Variants in ATR observed in about 807,000 individuals in gnomAD.
ATR encodes ATR checkpoint kinase, also known as serine/threonine-protein kinase ATR.
A neutral mutation model predicts 305.3 loss-of-function variants in ATR; 142 were observed. The ratio of observed to expected loss-of-function variants is 0.47; its 90% CI spans 0.41 to 0.53. ATR has a LOEUF of 0.53. Among genes scored for constraint, ATR ranks in the 20% least tolerant of loss-of-function variants. The probability of loss-of-function intolerance (pLI) is 0.00; values close to 1 mark genes in which losing one functional copy is unlikely to be tolerated. For missense variants in ATR, 2,135 were observed against 3,133.1 expected (o/e 0.68, Z 7.60); for synonymous variants, 1,050 against 1,068.1 (o/e 0.98, Z 0.33).
chr3:142,563,014 A>ACTG lies in ATR; in HGVS notation c.387_388insCAG (p.Ser129_Leu130insGln). 6.3e-7 allele frequency: 1 copy of ACTG among 1,598,778 alleles called. No individual in the cohort carries two copies. The highest frequency in any genetic ancestry group is 1.8e-5 in the Admixed American group (1 of 55,878). The stretch of plus-strand genomic sequence containing the variant: ...CTCTTGCTTTTAAAAAGAAATAATA[A>ACTG]TGAACAGATGACTTCACAGATTTTC... On this transcript the variant is annotated inframe_insertion, in exon 4 of 47. Transcript: ENST00000350721.
chr3:142,566,592 C>G (rs2035080946), intron 2 of ATR, among the ~76,000 whole-genome samples: 1 of 146,502 alleles, frequency 6.8e-6, no homozygotes, highest in Admixed American at 7.0e-5. Flanking sequence ...CTATTGCACT[C>G]CAGCCTGGAA....
rs542947776 is a variant in ATR, at chr3:142,578,692, C to T, written c.13G>A (p.Gly5Ser). 1.1e-5 allele frequency: 17 copies of T among 1,613,288 alleles called. No individual in the cohort carries two copies. The Admixed American group carries it at 1.7e-4, about 16-fold the overall frequency. The change falls in exon 1 of 47, where the codon GGC becomes AGC. Residue 5 changes from glycine to serine, a missense_variant. Physicochemically the swap from Gly to Ser is moderately conservative, Grantham distance 56. Around this residue, in one of 9 missense-constraint regions of ATR, gnomAD observed 744 missense variants for 873.2 expected, o/e 0.85. Coordinates refer to ENST00000350721, the MANE Select transcript of ATR (RefSeq NM_001184.4). MGEH[G>S]LELASMIPAL... ...GGGATCATGGAAGCCAGCTCCAGGC[C>T]ATGTTCCCCCATGCTGAGGCTGCGA... is the stretch of plus-strand genomic sequence containing the variant.
rs77322102 is a variant in ATR, at chr3:142,564,595, A to T, written c.293-1486T>A. On this transcript the variant is annotated intron_variant, in intron 3 of 46. Transcript: ENST00000350721. ...AATCAGTCATAGTCCTGTCCTCATG[A>T]ATCTCACAGTACAGTTTCTTGAGCT... Among the ~76,000 whole-genome samples the T allele has an allele frequency of 9.5e-3, 1,449 of 152,314 alleles. 28 individuals carry two copies. The highest frequency in any genetic ancestry group is 0.032 in the African/African-American group (1,333 of 41,568).
At position 142,512,266 on chromosome 3, in the gene ATR, A is replaced by G. The variant is rs201492267; in HGVS notation, c.4846T>C (p.Ser1616Pro). The G allele has an allele frequency of 7.6e-6, 12 of 1,579,190 alleles. No homozygotes were observed. Among genetic ancestry groups the G allele is most frequent in the Non-Finnish European group, 1.0e-5 (12 of 1,153,494 alleles). ...AACAGAAGTGATAACTCACCCATTG[A>G]GTCTACCTTATTTCTGTTTGATTTG... ...HSKSNRNKVDSMVSTVDYEDY... is the reference protein window; with the variant it reads ...HSKSNRNKVDPMVSTVDYEDY... The change falls in exon 27 of 47, where the codon TCA (serine) becomes CCA (proline). Residue 1616 changes from serine to proline, a missense_variant. Transcript: ENST00000350721.
Position 142,555,905 on chromosome 3 carries a change from T to A in ATR, c.2313A>T (p.Lys771Asn). ...SVCKPFLFLL[K>N]KKIPSPVKLA... The stretch of plus-strand genomic sequence containing the variant: ...GTTTTACTGGACTAGGTATTTTTTT[T>A]TTCAGTAGGAAAAGGAATGGCTTGC... The change falls in exon 10 of 47, where the codon AAA becomes AAT. Residue 771 changes from lysine to asparagine, a missense_variant. By Grantham distance (94) the Lys-to-Asn change is moderately conservative. Coordinates refer to ENST00000350721, the MANE Select transcript of ATR (RefSeq NM_001184.4). The A allele has an allele frequency of 6.2e-7, 1 of 1,610,862 alleles. No individual in the cohort carries two copies. Among genetic ancestry groups the A allele is most frequent in the Middle Eastern group, 1.7e-4 (1 of 6,024 alleles).
intron 21 of ATR, among the ~76,000 whole-genome samples, chr3:142,534,812 T>C (rs1424184913): frequency 6.6e-6 from 1 of 152,190 alleles, no homozygotes; most frequent in African/African-American, 2.4e-5. Flanking sequence ...TATACAATTA[T>C]ATACATGTTT....
At chr3:142,476,468 C>G (rs1344224331) in intron 36 of ATR, among the ~76,000 whole-genome samples, 2 of 152,052 alleles carry the variant, frequency 1.3e-5, no homozygotes, top group Admixed American at 1.3e-4. Flanking sequence ...TGTTTTGGTA[C>G]CAGTACCATG....
intron 28 of ATR, 118 bp downstream of exon 28, chr3:142,507,813 C>T: frequency 2.1e-6 from 2 of 958,750 alleles, no homozygotes; most frequent in East Asian, 5.3e-5. Flanking sequence ...TATCTCTCCC[C>T]ACTAATCTAT....
At position 142,473,547 on chromosome 3, in the gene ATR, CT is replaced by C. The variant is rs761452998; in HGVS notation, c.6222-3365del. Among the ~76,000 whole-genome samples the C allele has an allele frequency of 5.0e-3, 688 of 137,576 alleles. 1 individual carries two copies. Among genetic ancestry groups the C allele is most frequent in the Middle Eastern group, 0.018 (5 of 274 alleles). The allele number at this position is 137,576 out of a possible 152,430, so 90.3% of individuals were successfully genotyped here. A position where few individuals can be genotyped will look rare whatever the true frequency, so the allele number is the denominator to read the frequency against. Reference sequence around the variant, plus strand: ...GTAGTGTGATGCCTTCAGCTTTATTCTTTTTTTTTTTTTTTAGAGACATAGT... The same window carrying C: ...GTAGTGTGATGCCTTCAGCTTTATTCTTTTTTTTTTTTTTAGAGACATAGT... On this transcript the variant is annotated intron_variant, in intron 36 of 46. Transcript: ENST00000350721.
In ATR at chr3:142,535,970, A is replaced by C. The variant is rs111922692; in HGVS notation, c.3819+138T>G. 7.8e-4 allele frequency: 510 copies of C among 652,442 alleles called. 6 individuals carry two copies. The African/African-American group carries it at 7.9e-3, about 10-fold the overall frequency. 40.4% of individuals were successfully genotyped at this position (652,442 alleles called of 1,614,324 possible). ...TCATGGATTCATGGTAGCATTATCT[A>C]CTCACCAGGAATTAGCTATCAGAAT... On this transcript the variant is annotated intron_variant, in intron 20 of 46. Transcript: ENST00000350721.
Position 142,556,499 on chromosome 3 carries a change from T to C in ATR, c.1962A>G (p.Ala654=), listed in dbSNP as rs781605677. 6.2e-7 allele frequency: 1 copy of C among 1,614,096 alleles called. No homozygotes were observed. Among genetic ancestry groups the C allele is most frequent in the Non-Finnish European group, 8.5e-7 (1 of 1,179,972 alleles). ...PRRIFLEWRT[A]VYNWALQSSH... Reference sequence around the variant, plus strand: ...AGCTCTGCAGGGCCCAGTTGTAAACTGCTGTTCTCCACTCAAGGAATATTC... The same window carrying C: ...AGCTCTGCAGGGCCCAGTTGTAAACCGCTGTTCTCCACTCAAGGAATATTC... The change falls in exon 9 of 47, where the codon GCA becomes GCG. Residue 654 remains alanine (A), a synonymous_variant. Coordinates refer to ENST00000350721, the MANE Select transcript of ATR (RefSeq NM_001184.4).
intron 23 of ATR, among the ~76,000 whole-genome samples, chr3:142,520,201 G>C (rs984892006): frequency 8.2e-4 from 125 of 152,132 alleles, no homozygotes; most frequent in African/African-American, 2.8e-3. Flanking sequence ...GATAAATGTG[G>C]TGTGTGTTCT....
At chr3:142,463,053 A>G (rs2108267742) in intron 41 of ATR, among the ~76,000 whole-genome samples, 1 of 152,322 alleles carries the variant, frequency 6.6e-6, no homozygotes, top group Non-Finnish European at 1.5e-5. Context: ...TTTAGGAAAT[A>G]GGTTCCATAA....
chr3:142,451,007 A>T (rs1411300354), intron 46 of ATR: 2 of 1,247,368 alleles, frequency 1.6e-6, no homozygotes, highest in Admixed American at 3.0e-5. Context: ...GAACTACACC[A>T]TCAATTCCGT....
chr3:142,462,213 T>C (rs529516908), intron 41 of ATR, 123 bp from the exon 42 acceptor site: 1 of 913,022 alleles, frequency 1.1e-6, no homozygotes, highest in South Asian at 1.6e-5. Flanking sequence ...GCTTACTATG[T>C]GGTATACATG....
At chr3:142,568,178 T>C in intron 1 of ATR, 24 bp from the exon 2 acceptor site, 1 of 1,583,588 alleles carries the variant, frequency 6.3e-7, no homozygotes. Flanking sequence ...TAAAAGCTTT[T>C]AATCCTTAAA....
At chr3:142,536,495 G>C (rs2033865635) in intron 19 of ATR, among the ~76,000 whole-genome samples, 1 of 152,328 alleles carries the variant, frequency 6.6e-6, no homozygotes, top group East Asian at 1.9e-4. Context: ...TGTGTGACTT[G>C]CTTTAGCAAA....
chr3:142,502,572 T>A (rs1018834898), intron 30 of ATR, among the ~76,000 whole-genome samples: 124 of 152,036 alleles, frequency 8.2e-4, no homozygotes, highest in African/African-American at 2.8e-3. Flanking sequence ...TATCACGTAA[T>A]ATGCCCTTGT....
chr3:142,495,385 G>A (rs2031523647), intron 34 of ATR, among the ~76,000 whole-genome samples: 1 of 152,108 alleles, frequency 6.6e-6, no homozygotes, highest in Non-Finnish European at 1.5e-5. Flanking sequence ...ATTATTATTA[G>A]TAATGCCTAT....
Sources: allele counts gnomAD v4.1 joint callset (sites outside exome capture counted in the v4.1 genomes callset), GRCh38; gene constraint gnomAD v4.1.1; regional missense constraint gnomAD v4.1.1; transcripts MANE v1.5; gene names NCBI Gene and HGNC (gene_info 2026-07-23, HGNC 2026-07-21).